RNF24: variants seen among roughly 807,000 people sequenced by gnomAD.
RNF24 encodes the protein ring finger protein 24.
Under a neutral mutation model 20.0 loss-of-function variants are expected in RNF24, and 14 were observed. That is an observed-to-expected ratio of 0.70 (90% CI 0.46 to 1.10). The LOEUF is 1.10. Ranked by LOEUF, RNF24 falls within the 50% of genes least tolerant of loss-of-function variation. The pLI is 0.00. For missense variants in RNF24, 124 were observed against 177.6 expected, an observed-to-expected ratio of 0.70 and a Z score of 1.71; for synonymous variants, 45 against 61.1, an observed-to-expected ratio of 0.74 and a Z score of 1.23.
intron 1 of RNF24, among the ~76,000 whole-genome samples, chr20:3,977,843 G>C (rs1383329223): frequency 7.3e-6 from 1 of 137,666 alleles, no homozygotes; most frequent in Non-Finnish European, 1.5e-5. Flanking sequence ...CAGCCTGGGC[G>C]ACACAGCGAG....
intron 3 of RNF24, 52 bp downstream of exon 3, chr20:3,948,185 G>GT (rs2091042210): frequency 1.2e-5 from 16 of 1,384,672 alleles, no homozygotes; most frequent in East Asian, 4.7e-5. Context: ...AGAGTTCTCA[G>GT]TTTTTTGGGG....
chr20:3,983,615 T>G (rs943490052), intron 1 of RNF24, among the ~76,000 whole-genome samples: 1 of 152,122 alleles, frequency 6.6e-6, no homozygotes, highest in African/African-American at 2.4e-5. Flanking sequence ...CTGTGTAATC[T>G]TTTTATTTAT....
In RNF24 at chr20:3,934,912, G is replaced by C. The variant is rs1600617471; in HGVS notation, c.308+82C>G. 2 of 1,093,506 alleles carry C rather than the reference G, an allele frequency of 1.8e-6. No individual in the cohort carries two copies. Among genetic ancestry groups the C allele is most frequent in the Non-Finnish European group, 1.4e-6 (1 of 714,116 alleles). The allele number at this position is 1,093,506 out of a possible 1,614,324, so 67.7% of individuals were successfully genotyped here. A position where few individuals can be genotyped will look rare whatever the true frequency, so the allele number is the denominator to read the frequency against. Reference sequence around the variant, plus strand: ...AATCATGAAGCCATCAAGCTTGTCTGGCACTGCCCTAAAACCCAAAAGAAG... The same window carrying C: ...AATCATGAAGCCATCAAGCTTGTCTCGCACTGCCCTAAAACCCAAAAGAAG... On this transcript the variant is annotated intron_variant, in intron 5 of 5. Transcript: ENST00000358395. The surrounding 1 kb of genome is among the most constrained non-coding windows in gnomAD (Gnocchi z 4.0).
rs1329914653 is a variant in RNF24 at position 3,928,000 on chromosome 20, CTT to C, written c.*6061_*6062del. ...AGTAAGGTTTACTACACAAGCCCCT[CTT>C]TTTCTTCTGATATCCCCACTCAAAT... On this transcript the variant is annotated 3_prime_UTR_variant, in exon 6 of 6. Transcript: ENST00000358395. 6.6e-6 allele frequency: 1 copy of C among 152,210 alleles called. No individual in the cohort carries two copies. Among genetic ancestry groups the C allele is most frequent in the Non-Finnish European group, 1.5e-5 (1 of 68,050 alleles). 9.4% of individuals were successfully genotyped at this position (152,210 alleles called of 1,614,324 possible). A position where few individuals can be genotyped will look rare whatever the true frequency, so the allele number is the denominator to read the frequency against.
chr20:4,011,174 G>A (rs1982431969), intron 1 of RNF24, among the ~76,000 whole-genome samples: 1 of 152,272 alleles, frequency 6.6e-6, no homozygotes, highest in Non-Finnish European at 1.5e-5. Flanking sequence ...AATGACATTG[G>A]ACTTCTCAAT....
At chr20:3,968,025 G>A (rs1334684182) in intron 1 of RNF24, among the ~76,000 whole-genome samples, 1 of 150,530 alleles carries the variant, frequency 6.6e-6, no homozygotes, top group Non-Finnish European at 1.5e-5. Flanking sequence ...GTAACAGGTG[G>A]CTGGGTGCGG....
chr20:4,001,130 G>T (rs1981353545), intron 1 of RNF24, among the ~76,000 whole-genome samples: 1 of 152,056 alleles, frequency 6.6e-6, no homozygotes, highest in South Asian at 2.1e-4. Context: ...AGCCGGGCGT[G>T]GTGGCGTGCA....
At chr20:3,962,631 C>T (rs2091215048) in intron 2 of RNF24, among the ~76,000 whole-genome samples, 2 of 151,102 alleles carry the variant, frequency 1.3e-5, no homozygotes, top group Admixed American at 1.3e-4. Flanking sequence ...AGTTACTTTA[C>T]ACAGTGCTAA....
In RNF24 at chr20:3,980,270, T is replaced by C. The variant is rs182986129; in HGVS notation, c.-7-16246A>G. 1.3e-3 allele frequency among the ~76,000 whole-genome samples: 197 copies of C among 152,358 alleles called. 1 individual carries two copies. The highest frequency in any genetic ancestry group is 1.8e-3 in the Non-Finnish European group (123 of 68,032). ...ACTTGCATAGATAAGTAGTCTGCTA[T>C]GTACAGTAGTCCCTGCTTATCGATG... On this transcript the variant is annotated intron_variant, in intron 1 of 5. Transcript: ENST00000358395.
At chr20:3,941,733 G>A (rs762331317) in intron 4 of RNF24, among the ~76,000 whole-genome samples, 2 of 152,118 alleles carry the variant, frequency 1.3e-5, no homozygotes, top group Non-Finnish European at 2.9e-5. Context: ...CAACTATGCT[G>A]TCTACAAGAA....
chr20:3,985,881 G>A (rs1979854510), intron 1 of RNF24, among the ~76,000 whole-genome samples: 1 of 151,926 alleles, frequency 6.6e-6, no homozygotes, highest in Non-Finnish European at 1.5e-5. Context: ...TGAGATTATT[G>A]ACATGTGCCA....
At chr20:3,984,004 A>G (rs1270084315) in intron 1 of RNF24, among the ~76,000 whole-genome samples, 2 of 151,006 alleles carry the variant, frequency 1.3e-5, no homozygotes, top group Non-Finnish European at 2.9e-5. Flanking sequence ...CATGCCAGTA[A>G]TCCCAGTGCT....
chr20:3,960,903 C>CAT (rs917028036), intron 2 of RNF24, among the ~76,000 whole-genome samples: 13 of 151,990 alleles, frequency 8.6e-5, no homozygotes, highest in African/African-American at 3.1e-4. Flanking sequence ...AAGCGATTCT[C>CAT]ATGCCTCAGC....
chr20:3,930,067 T>G lies in RNF24; in HGVS notation c.*3996A>C, dbSNP rs1475217617. Reference sequence around the variant, plus strand: ...ATACACATGTGTGTACATGCATAAATGATCTCTGGAAGGATACCCAAGGAA... The same window carrying G: ...ATACACATGTGTGTACATGCATAAAGGATCTCTGGAAGGATACCCAAGGAA... On this transcript the variant is annotated 3_prime_UTR_variant, in exon 6 of 6. Transcript: ENST00000358395. 6.6e-6 allele frequency: 1 copy of G among 152,218 alleles called. No homozygotes were observed. 9.4% of individuals were successfully genotyped at this position (152,218 alleles called of 1,614,324 possible). A position where few individuals can be genotyped will look rare whatever the true frequency, so the allele number is the denominator to read the frequency against.
At chr20:3,971,074 T>C (rs980691471) in intron 1 of RNF24, among the ~76,000 whole-genome samples, 1 of 151,916 alleles carries the variant, frequency 6.6e-6, no homozygotes, top group Admixed American at 6.6e-5. Flanking sequence ...AACAACAAAA[T>C]CTTTTTTTTT....
intron 1 of RNF24, among the ~76,000 whole-genome samples, chr20:4,008,657 C>A (rs1044711483): frequency 2.0e-5 from 3 of 148,246 alleles, no homozygotes; most frequent in Non-Finnish European, 4.4e-5. Context: ...AAGCAATTCT[C>A]TGTCTCAGCC....
intron 2 of RNF24, among the ~76,000 whole-genome samples, chr20:3,956,000 T>A (rs2091137550): frequency 6.6e-6 from 1 of 152,196 alleles, no homozygotes; most frequent in Non-Finnish European, 1.5e-5. Flanking sequence ...GTTTGCTGAA[T>A]TTATTAGTTC....
chr20:3,940,623 G>T (rs1023590016), intron 4 of RNF24, among the ~76,000 whole-genome samples: 10 of 152,076 alleles, frequency 6.6e-5, no homozygotes, highest in Admixed American at 1.3e-4. Flanking sequence ...ATAAATCCAT[G>T]CCTAGACATA....
Position 3,933,063 on chromosome 20 carries a change from C to CTTTTTTTTT in RNF24, c.*991_*999dup. Reference sequence around the variant, plus strand: ...AAAGTGTTAAAAAGTGAATGACAGGCTTTTTTTTTTTTTTTTTTTTTTTTC... The same window carrying CTTTTTTTTT: ...AAAGTGTTAAAAAGTGAATGACAGGCTTTTTTTTTTTTTTTTTTTTTTTTTTTTTTTTTC... On this transcript the variant is annotated 3_prime_UTR_variant, in exon 6 of 6. Transcript: ENST00000358395. 6.5e-6 allele frequency: 2 copies of CTTTTTTTTT among 305,680 alleles called. No individual in the cohort carries two copies. The highest frequency in any genetic ancestry group is 4.5e-5 in the East Asian group (1 of 22,260). The allele number at this position is 305,680 out of a possible 1,614,324, so 18.9% of individuals were successfully genotyped here. A position where few individuals can be genotyped will look rare whatever the true frequency, so the allele number is the denominator to read the frequency against.
Sources: gnomAD v4.1 joint callset for allele counts (sites outside exome capture counted in the v4.1 genomes callset) on GRCh38, gnomAD v4.1.1 for gene constraint, Gnocchi (gnomAD v3.1) non-coding constraint, MANE v1.5 for transcripts, NCBI Gene and HGNC (gene_info 2026-07-23, HGNC 2026-07-21) for gene names.